Variants in GRIN3A observed in about 807,000 individuals in gnomAD.
The protein encoded by GRIN3A is glutamate ionotropic receptor NMDA type subunit 3A.
GRIN3A carries 47 observed loss-of-function variants against 92.4 expected under a neutral mutation model. The observed-to-expected ratio is 0.51, with a 90% CI of 0.40 to 0.65. The LOEUF is 0.65. Among genes scored for constraint, GRIN3A ranks in the 30% least tolerant of loss-of-function variants. GRIN3A has a pLI of 0.00. For synonymous variants in GRIN3A, 527 were observed against 540.6 expected, an observed-to-expected ratio of 0.97 and a Z score of 0.35; for missense variants, 1,324 against 1,393.1, an observed-to-expected ratio of 0.95 and a Z score of 0.79.
At chr9:101,607,697 G>T (rs756750826) in intron 6 of GRIN3A, among the ~76,000 whole-genome samples, 7 of 152,232 alleles carry the variant, frequency 4.6e-5, no homozygotes, top group Non-Finnish European at 8.8e-5. Flanking sequence ...TAGGCTTCAA[G>T]GATGGCTTGT....
chr9:101,590,966 C>G (rs2118806436), intron 6 of GRIN3A, among the ~76,000 whole-genome samples: 1 of 152,262 alleles, frequency 6.6e-6, no homozygotes, highest in Non-Finnish European at 1.5e-5. Context: ...TACACCAAAG[C>G]TAAATTGAAT....
intron 6 of GRIN3A, among the ~76,000 whole-genome samples, chr9:101,605,545 C>G (rs911732132): frequency 1.3e-5 from 2 of 152,150 alleles, no homozygotes; most frequent in African/African-American, 4.8e-5. Flanking sequence ...TTCACTCCAT[C>G]CGTGCCCTAT....
chr9:101,627,649 C>T (rs1828652380), intron 4 of GRIN3A, among the ~76,000 whole-genome samples: 1 of 152,180 alleles, frequency 6.6e-6, no homozygotes, highest in Non-Finnish European at 1.5e-5. Context: ...CCCATCACTG[C>T]ACTGTCTGCC....
In GRIN3A at chr9:101,698,432, G is replaced by A. The variant is rs139582904; in HGVS notation, c.700-11232C>T. Among the ~76,000 whole-genome samples, 184 of 152,246 alleles carry A rather than the reference G, an allele frequency of 1.2e-3. 1 individual carries two copies. Among genetic ancestry groups the A allele is most frequent in the African/African-American group, 3.9e-3 (162 of 41,548 alleles). On this transcript the variant is annotated intron_variant, in intron 1 of 8. Coordinates refer to ENST00000361820, the MANE Select transcript of GRIN3A (RefSeq NM_133445.3). ...TGAGAGATCCTTATTACAGTCGTGC[G>A]TCACTTAACGATGAGGGTACTGTCA... is the stretch of plus-strand genomic sequence containing the variant.
At position 101,617,598 on chromosome 9, in the gene GRIN3A, A is replaced by ATATTT. The variant is rs926960132; in HGVS notation, c.2615-4076_2615-4072dup. Among the ~76,000 whole-genome samples, 943 of 152,046 alleles carry ATATTT rather than the reference A, an allele frequency of 6.2e-3. 7 individuals are homozygous for ATATTT. The highest frequency in any genetic ancestry group is 0.021 in the African/African-American group (887 of 41,438). On this transcript the variant is annotated intron_variant, in intron 5 of 8. Transcript: ENST00000361820. ...GTTTAAATACATGTATTGAATATTG[A>ATATTT]TATTTTATTTTATTTTATTTTATTT...
intron 6 of GRIN3A, among the ~76,000 whole-genome samples, chr9:101,610,226 C>G (rs1481216385): frequency 6.6e-6 from 1 of 152,216 alleles, no homozygotes; most frequent in Non-Finnish European, 1.5e-5. Flanking sequence ...GTCTACCTTA[C>G]AGGGTCATAG....
chr9:101,701,699 G>A (rs1200479138), intron 1 of GRIN3A, among the ~76,000 whole-genome samples: 1 of 152,140 alleles, frequency 6.6e-6, no homozygotes, highest in African/African-American at 2.4e-5. Flanking sequence ...ATTGACAAAT[G>A]GGACCTAATT....
chr9:101,606,684 C>G (rs1828286109), intron 6 of GRIN3A, among the ~76,000 whole-genome samples: 2 of 151,920 alleles, frequency 1.3e-5, no homozygotes, highest in African/African-American at 4.8e-5. Context: ...TTCTTCCTGA[C>G]TAGTTCCATT....
chr9:101,659,721 T>C (rs1829146642), intron 3 of GRIN3A, among the ~76,000 whole-genome samples: 1 of 151,846 alleles, frequency 6.6e-6, no homozygotes, highest in Non-Finnish European at 1.5e-5. Flanking sequence ...TCTCTGTTTG[T>C]ATTAAAATAA....
chr9:101,590,346 C>CTATCTATT (rs1828005905), intron 6 of GRIN3A, among the ~76,000 whole-genome samples: 1 of 143,330 alleles, frequency 7.0e-6, no homozygotes, highest in Non-Finnish European at 1.5e-5. Context: ...TAATGACACT[C>CTATCTATT]TATTTATTTA....
In GRIN3A at chr9:101,670,276, T is replaced by G; in HGVS notation, c.2136A>C (p.Lys712Asn). ...GLTPKGRNRSKVFSFSSALNI... is the reference protein window; with the variant it reads ...GLTPKGRNRSNVFSFSSALNI... ...TCAAGGCTGAAGAAAAGGAGAAGAC[T>G]TTACTTCTATTTCGCCCCTTGGGAG... is the stretch of plus-strand genomic sequence containing the variant. Residue 712 changes from lysine (K) to asparagine (N), a missense_variant, in exon 3 of 9, where the codon AAA (lysine) becomes AAC (asparagine). Lys to Asn is a moderately conservative substitution (Grantham distance 94). Transcript: ENST00000361820. 1.2e-6 allele frequency: 2 copies of G among 1,614,040 alleles called. No individual in the cohort carries two copies. The highest frequency in any genetic ancestry group is 2.2e-5 in the South Asian group (2 of 91,082).
At chr9:101,718,660 A>G (rs1038890231) in intron 1 of GRIN3A, among the ~76,000 whole-genome samples, 15 of 152,202 alleles carry the variant, frequency 9.9e-5, no homozygotes, top group Non-Finnish European at 1.5e-5. Flanking sequence ...ATAACACTGA[A>G]TCACATAGTG....
At chr9:101,655,340 A>C (rs1418941949) in intron 3 of GRIN3A, among the ~76,000 whole-genome samples, 2 of 151,968 alleles carry the variant, frequency 1.3e-5, no homozygotes, top group African/African-American at 2.4e-5. Context: ...ACTTGATTTC[A>C]TATTTGACCT....
chr9:101,645,497 G>C (rs1185293036), intron 3 of GRIN3A, among the ~76,000 whole-genome samples: 1 of 151,530 alleles, frequency 6.6e-6, no homozygotes, highest in Non-Finnish European at 1.5e-5. Context: ...CCTTTCTTTT[G>C]GATATATACC....
chr9:101,701,353 T>C (rs1212280955), intron 1 of GRIN3A, among the ~76,000 whole-genome samples: 1 of 152,164 alleles, frequency 6.6e-6, no homozygotes, highest in East Asian at 1.9e-4. Flanking sequence ...TAGTTGTTTA[T>C]CCTGATCTTC....
At chr9:101,656,129 A>C (rs948682280) in intron 3 of GRIN3A, among the ~76,000 whole-genome samples, 1 of 152,048 alleles carries the variant, frequency 6.6e-6, no homozygotes, top group African/African-American at 2.4e-5. Context: ...AGGGGAAAGA[A>C]CAAGGGTAAA....
intron 4 of GRIN3A, among the ~76,000 whole-genome samples, chr9:101,625,010 A>G (rs1363691645): frequency 6.6e-6 from 1 of 152,194 alleles, no homozygotes; most frequent in East Asian, 1.9e-4. Flanking sequence ...GTGACCAAAA[A>G]GAGGGAATGG....
chr9:101,664,199 C>T (rs1439703630), intron 3 of GRIN3A, among the ~76,000 whole-genome samples: 1 of 151,974 alleles, frequency 6.6e-6, no homozygotes, highest in Non-Finnish European at 1.5e-5. Context: ...ATCCACTTGT[C>T]AATCATCCCC....
chr9:101,683,902 C>T (rs961739688), intron 2 of GRIN3A, among the ~76,000 whole-genome samples: 7 of 150,704 alleles, frequency 4.6e-5, no homozygotes, highest in African/African-American at 1.7e-4. Flanking sequence ...GAAAACCAAA[C>T]AGAAATCATC....
Sources: gnomAD v4.1 joint callset for allele counts (sites outside exome capture counted in the v4.1 genomes callset) on GRCh38, gnomAD v4.1.1 for gene constraint, MANE v1.5 for transcripts, NCBI Gene and HGNC (gene_info 2026-07-23, HGNC 2026-07-21) for gene names.